Variants in MAGI2 observed in about 807,000 individuals in gnomAD.
The protein encoded by MAGI2 is membrane-associated guanylate kinase, WW and PDZ domain-containing protein 2.
In MAGI2, 35 loss-of-function variants were observed where a neutral mutation model predicts 133.3. The observed-to-expected ratio is 0.26, with a 90% confidence interval of 0.20 to 0.35. The LOEUF (loss-of-function observed/expected upper bound fraction) is 0.35. Among genes scored for constraint, MAGI2 ranks in the 10% least tolerant of loss-of-function variants. MAGI2 has a pLI of 1.00. For synonymous variants in MAGI2, 729 were observed against 710.6 expected (o/e 1.03, Z -0.41); for missense variants, 1,636 against 1,863.4 (o/e 0.88, Z 2.25).
intron 21 of MAGI2, among the ~76,000 whole-genome samples, chr7:78,075,960 G>T (rs1169281392): frequency 1.3e-5 from 2 of 152,132 alleles, no homozygotes; most frequent in Non-Finnish European, 2.9e-5. Flanking sequence ...AAAGGAGATT[G>T]TTCTATGCTA....
chr7:78,573,998 C>T (rs184604653), intron 3 of MAGI2, among the ~76,000 whole-genome samples: 2 of 152,232 alleles, frequency 1.3e-5, no homozygotes, highest in African/African-American at 4.8e-5. Flanking sequence ...TACAGGTGGC[C>T]TTAGTTTCTC....
At chr7:78,731,107 A>T (rs142711441) in intron 2 of MAGI2, among the ~76,000 whole-genome samples, 1 of 152,204 alleles carries the variant, frequency 6.6e-6, no homozygotes, top group Non-Finnish European at 1.5e-5. Context: ...CTTTCAATTT[A>T]TAACAAATTA....
At chr7:78,198,806 A>C (rs1828978432) in intron 11 of MAGI2, among the ~76,000 whole-genome samples, 1 of 152,092 alleles carries the variant, frequency 6.6e-6, no homozygotes, top group South Asian at 2.1e-4. Context: ...CATCCCCCTC[A>C]CTATTTTGGG....
intron 2 of MAGI2, among the ~76,000 whole-genome samples, chr7:78,839,897 C>CTAGTTTATGCCATAAGT (rs1165091330): frequency 6.6e-6 from 1 of 152,052 alleles, no homozygotes; most frequent in African/African-American, 2.4e-5. Context: ...CTGTAGTGCT[C>CTAGTTTATGCCATAAGT]TAGTTTATGC....
intron 6 of MAGI2, among the ~76,000 whole-genome samples, chr7:78,453,134 G>C (rs1187286381): frequency 6.6e-6 from 1 of 152,060 alleles, no homozygotes; most frequent in Admixed American, 6.6e-5. Flanking sequence ...CAGCTCTCCT[G>C]ACTTTGCCAC....
intron 2 of MAGI2, among the ~76,000 whole-genome samples, chr7:78,755,747 G>A (rs1823881773): frequency 6.6e-6 from 1 of 152,160 alleles, no homozygotes; most frequent in African/African-American, 2.4e-5. Context: ...ATAGTTTGAT[G>A]TAAAATTTGG....
intron 9 of MAGI2, among the ~76,000 whole-genome samples, chr7:78,265,399 T>G (rs2150971294): frequency 6.6e-6 from 1 of 152,318 alleles, no homozygotes; most frequent in Admixed American, 6.5e-5. Context: ...TCTAAATAGC[T>G]TGCTCACGTT....
chr7:78,530,311 A>C (rs1797356327), intron 3 of MAGI2, among the ~76,000 whole-genome samples: 1 of 152,226 alleles, frequency 6.6e-6, no homozygotes, highest in Non-Finnish European at 1.5e-5. Flanking sequence ...TAGCAGATGT[A>C]CATGTCTTAG....
chr7:78,631,661 A>G (rs571133710), intron 2 of MAGI2, among the ~76,000 whole-genome samples: 20 of 152,302 alleles, frequency 1.3e-4, no homozygotes, highest in African/African-American at 4.3e-4. Flanking sequence ...GCTTGCCTTG[A>G]TGGAAAATGT....
chr7:79,253,946 C>T (rs183393912), intron 1 of MAGI2, among the ~76,000 whole-genome samples: 39 of 151,810 alleles, frequency 2.6e-4, no homozygotes, highest in African/African-American at 8.4e-4. Context: ...AGATATTTAT[C>T]ATTCCAGATT....
chr7:78,577,002 C>G (rs1249210769), intron 3 of MAGI2, among the ~76,000 whole-genome samples: 4 of 152,142 alleles, frequency 2.6e-5, no homozygotes, highest in Non-Finnish European at 5.9e-5. Context: ...AGTTGTTATG[C>G]TTTTCTCTTG....
At chr7:78,686,364 C>T (rs1816316291) in intron 2 of MAGI2, among the ~76,000 whole-genome samples, 1 of 152,116 alleles carries the variant, frequency 6.6e-6, no homozygotes, top group Admixed American at 6.5e-5. Context: ...GTGGACCTCT[C>T]CCCTCCTTAC....
intron 1 of MAGI2, among the ~76,000 whole-genome samples, chr7:79,097,758 C>A (rs1817639692): frequency 6.6e-6 from 1 of 152,140 alleles, no homozygotes; most frequent in African/African-American, 2.4e-5. Flanking sequence ...ATTATGTTTT[C>A]CAGGTTTGGG....
intron 2 of MAGI2, among the ~76,000 whole-genome samples, chr7:78,819,146 A>C (rs1275733506): frequency 6.6e-6 from 1 of 152,126 alleles, no homozygotes; most frequent in African/African-American, 2.4e-5. Flanking sequence ...AACTTTTTCA[A>C]AATTGATTTT....
intron 2 of MAGI2, among the ~76,000 whole-genome samples, chr7:78,686,516 C>T: frequency 6.6e-6 from 1 of 151,300 alleles, no homozygotes; most frequent in Non-Finnish European, 1.5e-5. Context: ...CAGGCTTCTC[C>T]CCATCCCAAG....
chr7:78,787,113 A>T (rs1826892858), intron 2 of MAGI2, among the ~76,000 whole-genome samples: 1 of 151,820 alleles, frequency 6.6e-6, no homozygotes, highest in Admixed American at 6.6e-5. Context: ...AGGCCCAGCT[A>T]ATTTTTATAT....
intron 16 of MAGI2, among the ~76,000 whole-genome samples, chr7:78,152,651 A>G (rs1332022699): frequency 6.6e-6 from 1 of 152,222 alleles, no homozygotes; most frequent in African/African-American, 2.4e-5. Context: ...TCTTTGTTGT[A>G]TATGTAGGCT....
At chr7:79,209,270 A>G (rs1390433495) in intron 1 of MAGI2, among the ~76,000 whole-genome samples, 3 of 152,076 alleles carry the variant, frequency 2.0e-5, no homozygotes, top group Non-Finnish European at 4.4e-5. Flanking sequence ...AAAACATTAT[A>G]TTGTACACAG....
intron 2 of MAGI2, among the ~76,000 whole-genome samples, chr7:78,744,187 C>T (rs73365854): frequency 0.013 from 2,053 of 152,108 alleles, 41 homozygotes; most frequent in African/African-American, 0.046. Context: ...TATCCTCTTT[C>T]GTCATAGAAT....
Sources: allele counts gnomAD v4.1 joint callset (sites outside exome capture counted in the v4.1 genomes callset), GRCh38; gene constraint gnomAD v4.1.1; transcripts MANE v1.5; gene names NCBI Gene and HGNC (gene_info 2026-07-23, HGNC 2026-07-21).